ADGRE2: variants seen among roughly 807,000 people sequenced by gnomAD.
ADGRE2 encodes CD97 antigen.
ADGRE2 carries 83 observed loss-of-function variants against 100.8 expected under a neutral mutation model. The ratio of observed to expected loss-of-function variants is 0.82; its 90% confidence interval spans 0.69 to 0.99. The LOEUF (loss-of-function observed/expected upper bound fraction) is 0.99, where lower values mean the gene tolerates loss of function less well. Among genes scored for constraint, ADGRE2 ranks in the 50% least tolerant of loss-of-function variants. The pLI is 0.00. For synonymous variants in ADGRE2, 355 were observed against 413.0 expected, an observed-to-expected ratio of 0.86 and a Z score of 1.70; for missense variants, 814 against 1,035.7, an observed-to-expected ratio of 0.79 and a Z score of 2.94.
At chr19:14,730,735 G>A (rs889982634), downstream of ADGRE2, among the ~76,000 whole-genome samples, 13 of 151,774 alleles carry the variant, frequency 8.6e-5, no homozygotes, top group African/African-American at 3.1e-4. Context: ...ATGATGCTGA[G>A]GTTTGGGGTA....
intron 11 of ADGRE2, 71 bp from the exon 12 acceptor site, chr19:14,756,416 A>T: frequency 2.2e-6 from 2 of 920,114 alleles, no homozygotes; most frequent in Non-Finnish European, 3.6e-6. Flanking sequence ...ATATACTATG[A>T]CTTAATATAT....
chr19:14,747,196 C>T (rs987844758), intron 16 of ADGRE2, among the ~76,000 whole-genome samples: 11 of 152,108 alleles, frequency 7.2e-5, no homozygotes, highest in African/African-American at 2.7e-4. Context: ...CAATCAGACA[C>T]ATTCAAACAA....
chr19:14,766,109 A>G, intron 7 of ADGRE2, 126 bp downstream of exon 7: 1 of 1,526,912 alleles, frequency 6.5e-7, no homozygotes, highest in Non-Finnish European at 8.9e-7. Flanking sequence ...ATCTAGCCTC[A>G]GAAGAATGAA....
chr19:14,731,371 G>T, downstream of ADGRE2: 1 of 614,034 alleles, frequency 1.6e-6, no homozygotes, highest in Non-Finnish European at 2.8e-6. Context: ...CTTAACTTCC[G>T]GCTTCCGGGA....
intron 6 of ADGRE2, among the ~76,000 whole-genome samples, 177 bp downstream of exon 6, chr19:14,766,801 C>T (rs2043997413): frequency 6.6e-6 from 1 of 152,236 alleles, no homozygotes; most frequent in Admixed American, 6.5e-5. Context: ...CCTGCCGCCT[C>T]CCTGCCGTGT....
chr19:14,766,076 C>T (rs1000507656), intron 7 of ADGRE2, 159 bp downstream of exon 7: 43 of 1,413,768 alleles, frequency 3.0e-5, no homozygotes, highest in East Asian at 2.3e-4. Context: ...CAGCTCCTTC[C>T]GCAGGACCCT....
intron 20 of ADGRE2, among the ~76,000 whole-genome samples, chr19:14,742,824 C>T (rs2042969058): frequency 1.3e-5 from 2 of 152,136 alleles, no homozygotes; most frequent in Admixed American, 1.3e-4. Context: ...TCAATTCCTG[C>T]TCATTTAGTT....
At chr19:14,753,386 T>C (rs992905328) in intron 14 of ADGRE2, among the ~76,000 whole-genome samples, 3 of 152,062 alleles carry the variant, frequency 2.0e-5, no homozygotes, top group African/African-American at 7.2e-5. Flanking sequence ...GCTTGCTGCC[T>C]GGGAGGATAT....
the ADGRE2 span, among the ~76,000 whole-genome samples, chr19:14,726,160 A>G: frequency 3.9e-5 from 6 of 152,130 alleles, no homozygotes; most frequent in Non-Finnish European, 8.8e-5. Flanking sequence ...CAGAGCTGCA[A>G]CCCAAGCTAT....
At chr19:14,775,645 G>C (rs970762731) in intron 2 of ADGRE2, among the ~76,000 whole-genome samples, 1 of 151,958 alleles carries the variant, frequency 6.6e-6, no homozygotes, top group African/African-American at 2.4e-5. Context: ...GATCATCTGA[G>C]GTCGGGAGTT....
chr19:14,759,850 ACT>A (rs1464649042), intron 11 of ADGRE2, among the ~76,000 whole-genome samples: 5 of 121,852 alleles, frequency 4.1e-5, no homozygotes, highest in African/African-American at 1.7e-4. Flanking sequence ...ACGGAGTCTC[ACT>A]CTGTCACCCA....
At chr19:14,761,653 C>T (rs1725035952) in intron 11 of ADGRE2, among the ~76,000 whole-genome samples, 1 of 151,882 alleles carries the variant, frequency 6.6e-6, no homozygotes, top group South Asian at 2.1e-4. Context: ...GGCAGCTGTG[C>T]CAATAGGAAA....
chr19:14,745,563 C>T (rs1029475), intron 18 of ADGRE2, among the ~76,000 whole-genome samples: 2 of 152,030 alleles, frequency 1.3e-5, no homozygotes, highest in African/African-American at 4.8e-5. Context: ...CTTGCCCACT[C>T]ACATACCCTT....
At chr19:14,768,347 C>T (rs185442044) in intron 5 of ADGRE2, among the ~76,000 whole-genome samples, 161 of 152,266 alleles carry the variant, frequency 1.1e-3, no homozygotes, top group African/African-American at 3.5e-3. Flanking sequence ...TGTGAAGGTG[C>T]CTTTTTTTGA....
At chr19:14,737,889 A>G (rs910146684) in intron 20 of ADGRE2, among the ~76,000 whole-genome samples, 2 of 151,730 alleles carry the variant, frequency 1.3e-5, no homozygotes, top group African/African-American at 4.8e-5. Flanking sequence ...AGGCAGGAGA[A>G]TCGCTTGAAT....
At chr19:14,742,807 C>T (rs1426509193) in intron 20 of ADGRE2, among the ~76,000 whole-genome samples, 1 of 152,158 alleles carries the variant, frequency 6.6e-6, no homozygotes, top group East Asian at 1.9e-4. Context: ...TGCATCACTG[C>T]TTCAGATCAA....
At chr19:14,761,932 C>T (rs1265358545) in intron 11 of ADGRE2, among the ~76,000 whole-genome samples, 3 of 152,204 alleles carry the variant, frequency 2.0e-5, no homozygotes, top group Non-Finnish European at 4.4e-5. Context: ...GCATTCCTTT[C>T]TCTCACAAGA....
chr19:14,750,170 T>C (rs1361658144), intron 16 of ADGRE2, among the ~76,000 whole-genome samples: 1 of 123,242 alleles, frequency 8.1e-6, no homozygotes, highest in Non-Finnish European at 1.6e-5. Flanking sequence ...TTTATAGCTA[T>C]GTTATATAAT....
At chr19:14,731,089 C>A, downstream of ADGRE2, 3 of 1,220,296 alleles carry the variant, frequency 2.5e-6, no homozygotes, top group Non-Finnish European at 2.3e-6. Context: ...GCCCCTCCTG[C>A]CCCCTCCCCC....
Sources: gnomAD v4.1 joint callset for allele counts (sites outside exome capture counted in the v4.1 genomes callset) on GRCh38, gnomAD v4.1.1 for gene constraint, MANE v1.5 for transcripts, NCBI Gene and HGNC (gene_info 2026-07-23, HGNC 2026-07-21) for gene names.